The following DECR1 variants were observed in gnomAD, a reference collection of about 807,000 sequenced individuals.
DECR1 encodes 2,4-dienoyl-CoA reductase [(3E)-enoyl-CoA-producing], mitochondrial.
DECR1 carries 44 observed loss-of-function variants against 38.8 expected under a neutral mutation model. That is an observed-to-expected ratio of 1.13 (90% CI 0.89 to 1.46). The LOEUF is 1.46. Ranked by LOEUF, DECR1 falls within the 40% of genes most tolerant of loss-of-function variation. DECR1 has a pLI of 0.00. For missense variants in DECR1, 428 were observed against 405.5 expected, an observed-to-expected ratio of 1.06 and a Z score of -0.48; for synonymous variants, 148 against 135.2, an observed-to-expected ratio of 1.09 and a Z score of -0.66.
rs761575792 is a variant in DECR1 at position 90,051,755 on chromosome 8, G to A, written c.948+16G>A. On this transcript the variant is annotated intron_variant, in intron 9 of 9. Coordinates refer to ENST00000220764, the MANE Select transcript of DECR1 (RefSeq NM_001359.2). ...CCTGAGAAAGGTAATGCTTTTGTGT[G>A]TATAATGTAATATCAGCAGCTAGGA... 11 of 1,612,932 alleles carry A rather than the reference G, an allele frequency of 6.8e-6. No individual in the cohort carries two copies. In the East Asian group the frequency reaches 2.5e-4, roughly 36 times the overall value.
intron 1 of DECR1, among the ~76,000 whole-genome samples, chr8:90,012,257 A>ATTCT: frequency 6.6e-6 from 1 of 151,522 alleles, no homozygotes; most frequent in East Asian, 1.9e-4. Context: ...GGTTCAAGAA[A>ATTCT]TTCTCCTGCC....
chr8:90,041,183 G>A (rs1813751896), intron 6 of DECR1, among the ~76,000 whole-genome samples: 1 of 152,004 alleles, frequency 6.6e-6, no homozygotes, highest in Non-Finnish European at 1.5e-5. Context: ...GCATGAGATG[G>A]TATCTCGTGG....
rs533616036 is a variant in DECR1 at position 90,003,707 on chromosome 8, T to G, written c.69+2146T>G. Among the ~76,000 whole-genome samples, 106 of 152,296 alleles carry G rather than the reference T, an allele frequency of 7.0e-4. 1 individual carries two copies. The highest frequency in any genetic ancestry group is 2.5e-3 in the African/African-American group (102 of 41,564). Reference sequence around the variant, plus strand: ...GGAGCAAAACAGCACTTTGGGAGGCTGAGGCGGGTGGATCATTAGATCAAG... The same window carrying G: ...GGAGCAAAACAGCACTTTGGGAGGCGGAGGCGGGTGGATCATTAGATCAAG... On this transcript the variant is annotated intron_variant, in intron 1 of 9. Coordinates refer to ENST00000220764, the MANE Select transcript of DECR1 (RefSeq NM_001359.2).
At chr8:90,005,632 A>AAGG in intron 1 of DECR1, 1 of 363,124 alleles carries the variant, frequency 2.8e-6, no homozygotes, top group Non-Finnish European at 5.4e-6. Flanking sequence ...AACTGTTCAT[A>AAGG]CCCAACGATC....
chr8:90,017,627 A>G (rs1427344040), intron 2 of DECR1, among the ~76,000 whole-genome samples: 1 of 152,192 alleles, frequency 6.6e-6, no homozygotes, highest in Non-Finnish European at 1.5e-5. Context: ...AGATGAAGTT[A>G]AAAAGTACGA....
At chr8:90,040,835 G>A (rs758604876) in intron 6 of DECR1, among the ~76,000 whole-genome samples, 1 of 152,088 alleles carries the variant, frequency 6.6e-6, no homozygotes, top group Non-Finnish European at 1.5e-5. Flanking sequence ...AGTATTCCAT[G>A]GTGTATATGT....
intron 1 of DECR1, among the ~76,000 whole-genome samples, chr8:90,012,238 C>T (rs549526799): frequency 3.3e-5 from 5 of 151,554 alleles, no homozygotes; most frequent in Non-Finnish European, 5.9e-5. Context: ...CTGCAACCTC[C>T]GCCATCTGGG....
chr8:90,034,796 T>C (rs942206076), intron 5 of DECR1, among the ~76,000 whole-genome samples: 1 of 152,310 alleles, frequency 6.6e-6, no homozygotes, highest in South Asian at 2.1e-4. Flanking sequence ...CTAGACACTA[T>C]TGACCACTGT....
chr8:90,013,399 GTTTTTTTTT>G (rs57505716), intron 1 of DECR1, among the ~76,000 whole-genome samples: 2,679 of 78,186 alleles, frequency 0.034, 89 homozygotes, highest in African/African-American at 0.12. Context: ...CTCTTCTTTC[GTTTTTTTTT>G]TTTTTTTTTT....
chr8:90,033,115 C>G (rs1252250257), intron 5 of DECR1, among the ~76,000 whole-genome samples: 2 of 152,096 alleles, frequency 1.3e-5, no homozygotes, highest in Admixed American at 1.3e-4. Flanking sequence ...ATACTATTCC[C>G]CTTCTGTTGG....
At chr8:90,010,037 G>A (rs1035908945) in intron 1 of DECR1, among the ~76,000 whole-genome samples, 4 of 152,240 alleles carry the variant, frequency 2.6e-5, no homozygotes, top group African/African-American at 9.6e-5. Context: ...ATTCAGCTTA[G>A]CCATTGGAGC....
At chr8:90,003,990 G>C (rs1478946708) in intron 1 of DECR1, among the ~76,000 whole-genome samples, 1 of 152,072 alleles carries the variant, frequency 6.6e-6, no homozygotes, top group Admixed American at 6.6e-5. Flanking sequence ...TTCATCTCAT[G>C]TAGTAAGGTT....
In DECR1 at chr8:90,052,168, A is replaced by G. The variant is rs769407576; in HGVS notation, c.*271A>G. The G allele has an allele frequency of 8.1e-6, 3 of 372,106 alleles. No individual in the cohort carries two copies. The highest frequency in any genetic ancestry group is 1.5e-5 in the Non-Finnish European group (3 of 206,820). 23.1% of individuals were successfully genotyped at this position (372,106 alleles called of 1,614,324 possible). A position where few individuals can be genotyped will look rare whatever the true frequency, so the allele number is the denominator to read the frequency against. On this transcript the variant is annotated 3_prime_UTR_variant, in exon 10 of 10. Coordinates refer to ENST00000220764, the MANE Select transcript of DECR1 (RefSeq NM_001359.2). ...CTATTGATAGAGGTAAAAAGTACTTAGAAGTGCAGAGAGAACAGATCTTTG... is the reference window on the plus strand; with the variant it reads ...CTATTGATAGAGGTAAAAAGTACTTGGAAGTGCAGAGAGAACAGATCTTTG...
intron 5 of DECR1, among the ~76,000 whole-genome samples, chr8:90,029,679 G>A (rs951170860): frequency 6.6e-6 from 1 of 152,146 alleles, no homozygotes; most frequent in Non-Finnish European, 1.5e-5. Flanking sequence ...CCATCTTGCT[G>A]TTCTTCTGGA....
chr8:90,042,770 T>A lies in DECR1; in HGVS notation c.708T>A (p.Asn236Lys). The A allele has an allele frequency of 6.2e-7, 1 of 1,613,642 alleles. No individual in the cohort carries two copies. The highest frequency in any genetic ancestry group is 1.3e-5 in the African/African-American group (1 of 75,020). Residue 236 changes from asparagine (N) to lysine (K), a missense_variant, in exon 7 of 10, where the codon AAT becomes AAA. Asn to Lys is a moderately conservative substitution (Grantham distance 94, BLOSUM62 0). Coordinates refer to ENST00000220764, the MANE Select transcript of DECR1 (RefSeq NM_001359.2). ...GGGGTAAATATGGAATGCGATTCAA[T>A]GTGATTCAACCAGGGCCTATAAAAA... is the stretch of plus-strand genomic sequence containing the variant. ...AEWGKYGMRFNVIQPGPIKTK... is the reference protein window; with the variant it reads ...AEWGKYGMRFKVIQPGPIKTK...
intron 5 of DECR1, among the ~76,000 whole-genome samples, chr8:90,033,235 A>T (rs559784807): frequency 6.6e-6 from 1 of 152,180 alleles, no homozygotes; most frequent in African/African-American, 2.4e-5. Context: ...TCTTGCACAT[A>T]TCATAGCTTT....
chr8:90,012,819 C>T (rs1291828358), intron 1 of DECR1, among the ~76,000 whole-genome samples: 1 of 152,114 alleles, frequency 6.6e-6, no homozygotes, highest in Non-Finnish European at 1.5e-5. Flanking sequence ...TAATAGGGTA[C>T]AATTTAAAGT....
chr8:90,026,623 T>C (rs539415105), intron 5 of DECR1, among the ~76,000 whole-genome samples: 1 of 152,328 alleles, frequency 6.6e-6, no homozygotes, highest in South Asian at 2.1e-4. Flanking sequence ...TTTTCTTCTT[T>C]ATTACTCTTG....
At chr8:90,020,755 C>G (rs1813133358) in intron 4 of DECR1, among the ~76,000 whole-genome samples, 154 bp from the exon 5 acceptor site, 1 of 152,164 alleles carries the variant, frequency 6.6e-6, no homozygotes, top group African/African-American at 2.4e-5. Context: ...TTCACAGACT[C>G]AGACTACCAA....
Sources: gnomAD v4.1 joint callset for allele counts (sites outside exome capture counted in the v4.1 genomes callset) on GRCh38, gnomAD v4.1.1 for gene constraint, MANE v1.5 for transcripts, NCBI Gene and HGNC (gene_info 2026-07-23, HGNC 2026-07-21) for gene names.